The following MTHFD2L variants were observed in gnomAD, a reference collection of about 807,000 sequenced individuals.
The protein encoded by MTHFD2L is bifunctional methylenetetrahydrofolate dehydrogenase/cyclohydrolase 2, mitochondrial.
Under a neutral mutation model 34.9 loss-of-function variants are expected in MTHFD2L, and 29 were observed. The observed-to-expected ratio is 0.83, with a 90% confidence interval of 0.62 to 1.13. The LOEUF (loss-of-function observed/expected upper bound fraction) is 1.13, where lower values mean the gene tolerates loss of function less well. MTHFD2L is among the 50% of genes most tolerant of loss of function. The pLI, the probability that MTHFD2L is intolerant of heterozygous loss-of-function variation, is 0.00. For synonymous variants in MTHFD2L, 167 were observed against 155.7 expected (o/e 1.07, Z -0.54); for missense variants, 481 against 446.5 (o/e 1.08, Z -0.70).
intron 3 of MTHFD2L, among the ~76,000 whole-genome samples, chr4:74,179,668 A>C (rs1034310760): frequency 6.6e-5 from 10 of 152,150 alleles, no homozygotes; most frequent in African/African-American, 2.4e-4. Flanking sequence ...TATTGGGAAC[A>C]TATAGTTTGT....
chr4:74,236,494 T>C (rs963948872), intron 6 of MTHFD2L, among the ~76,000 whole-genome samples: 1 of 152,244 alleles, frequency 6.6e-6, no homozygotes, highest in African/African-American at 2.4e-5. Context: ...GTATTCTCTA[T>C]GGTCTCACCT....
intron 7 of MTHFD2L, among the ~76,000 whole-genome samples, chr4:74,292,249 A>G (rs1355187064): frequency 6.6e-6 from 1 of 152,248 alleles, no homozygotes; most frequent in Non-Finnish European, 1.5e-5. Context: ...TCTATTTAGT[A>G]GATGTCTTTG....
intron 6 of MTHFD2L, among the ~76,000 whole-genome samples, chr4:74,251,395 A>G (rs1373565722): frequency 3.3e-5 from 5 of 152,164 alleles, no homozygotes; most frequent in Admixed American, 1.3e-4. Flanking sequence ...GTTTTCTATC[A>G]TTTGGTGGTT....
chr4:74,266,885 T>A (rs1037759687), intron 6 of MTHFD2L: 3 of 985,356 alleles, frequency 3.0e-6, no homozygotes, highest in Non-Finnish European at 3.6e-6. Context: ...TAATTTGTTT[T>A]CTAAATATCA....
intron 5 of MTHFD2L, among the ~76,000 whole-genome samples, chr4:74,221,679 T>C (rs1560502728): frequency 6.6e-6 from 1 of 151,958 alleles, no homozygotes; most frequent in Non-Finnish European, 1.5e-5. Flanking sequence ...TAGATTTTGC[T>C]TTGTAAGTCA....
At chr4:74,181,586 T>C (rs1228545073) in intron 3 of MTHFD2L, 2 of 152,208 alleles carry the variant, frequency 1.3e-5, no homozygotes, top group East Asian at 3.8e-4. Flanking sequence ...AGATGCTTGC[T>C]TACCCGCTTT....
chr4:74,166,266 C>G (rs1726680514), intron 1 of MTHFD2L, among the ~76,000 whole-genome samples: 2 of 152,226 alleles, frequency 1.3e-5, no homozygotes, highest in Admixed American at 6.5e-5. Context: ...CGACTAGCTT[C>G]TGGTTATTGC....
At chr4:74,145,490 A>G (rs557734445) in intron 1 of MTHFD2L, among the ~76,000 whole-genome samples, 1 of 152,202 alleles carries the variant, frequency 6.6e-6, no homozygotes, top group Admixed American at 6.5e-5. Context: ...AGGGATGGCT[A>G]CACTTTCCAA....
intron 5 of MTHFD2L, among the ~76,000 whole-genome samples, chr4:74,208,476 T>A (rs1203575992): frequency 1.3e-5 from 2 of 152,196 alleles, no homozygotes; most frequent in African/African-American, 4.8e-5. Context: ...AGTCCGAATC[T>A]TTTTCTTTCA....
chr4:74,174,450 G>A (rs1006655313), intron 1 of MTHFD2L, 56 bp from the exon 2 acceptor site: 2 of 1,240,598 alleles, frequency 1.6e-6, no homozygotes, highest in East Asian at 3.0e-5. Context: ...CCTTAAATTT[G>A]TGCAGTTGAG....
chr4:74,251,154 GGGTT>G (rs1367030835), intron 6 of MTHFD2L, among the ~76,000 whole-genome samples: 3 of 152,158 alleles, frequency 2.0e-5, no homozygotes, highest in Non-Finnish European at 4.4e-5. Flanking sequence ...ATAGTATGCT[GGGTT>G]AAGCCTATCA....
intron 7 of MTHFD2L, among the ~76,000 whole-genome samples, chr4:74,283,871 A>C (rs1410803289): frequency 6.6e-6 from 1 of 152,132 alleles, no homozygotes; most frequent in Admixed American, 6.6e-5. Context: ...TTGCTCTTCA[A>C]GTTGTTCATC....
chr4:74,281,271 C>T (rs3733457), intron 6 of MTHFD2L, among the ~76,000 whole-genome samples, 154 bp from the exon 7 acceptor site: 1 of 151,706 alleles, frequency 6.6e-6, no homozygotes, highest in Non-Finnish European at 1.5e-5. Flanking sequence ...GTTATTCTCT[C>T]GGATCAGAAA....
chr4:74,268,195 A>C (rs1745546438), intron 6 of MTHFD2L: 1 of 983,086 alleles, frequency 1.0e-6, no homozygotes, highest in African/African-American at 1.8e-5. Context: ...TGTATTACTA[A>C]TGTAGGCTCT....
chr4:74,264,412 C>A (rs1241960187), intron 6 of MTHFD2L, among the ~76,000 whole-genome samples: 2 of 151,734 alleles, frequency 1.3e-5, no homozygotes, highest in Non-Finnish European at 2.9e-5. Flanking sequence ...CCCTCCAACC[C>A]AAGAACTAGA....
At chr4:74,137,950 A>T (rs1723045546) in intron 1 of MTHFD2L, among the ~76,000 whole-genome samples, 1 of 152,126 alleles carries the variant, frequency 6.6e-6, no homozygotes, top group South Asian at 2.1e-4. Flanking sequence ...GAGACCAAGA[A>T]TGGCAGTGGG....
At chr4:74,120,075 G>T (rs538312012), upstream of MTHFD2L, among the ~76,000 whole-genome samples, 1 of 152,292 alleles carries the variant, frequency 6.6e-6, no homozygotes, top group East Asian at 1.9e-4. Flanking sequence ...CATATCATTC[G>T]TAGTGGCTAA....
intron 6 of MTHFD2L, chr4:74,280,102 CA>C (rs1320588396): frequency 6.6e-6 from 1 of 152,114 alleles, no homozygotes; most frequent in Admixed American, 6.6e-5. Context: ...CACCTACCGA[CA>C]CCATGTCCAC....
chr4:74,152,029 T>A (rs1166968095), intron 1 of MTHFD2L, among the ~76,000 whole-genome samples: 1 of 152,152 alleles, frequency 6.6e-6, no homozygotes, highest in African/African-American at 2.4e-5. Context: ...ACACTTCCAA[T>A]ATTATCCTAA....
Sources: allele counts gnomAD v4.1 joint callset (sites outside exome capture counted in the v4.1 genomes callset), GRCh38; gene constraint gnomAD v4.1.1; transcripts MANE v1.5; gene names NCBI Gene and HGNC (gene_info 2026-07-23, HGNC 2026-07-21).